Variants in GRID2 observed in about 807,000 individuals in gnomAD.
The protein encoded by GRID2 is glutamate receptor ionotropic, delta-2.
GRID2 carries 33 observed loss-of-function variants against 114.8 expected under a neutral mutation model. The ratio of observed to expected loss-of-function variants is 0.29; its 90% CI spans 0.22 to 0.38. The LOEUF is 0.38. GRID2 is among the 10% of genes least tolerant of loss of function. GRID2 has a pLI of 1.00. For missense variants in GRID2, 1,184 were observed against 1,257.7 expected, an observed-to-expected ratio of 0.94 and a Z score of 0.89; for synonymous variants, 505 against 449.9, an observed-to-expected ratio of 1.12 and a Z score of -1.55.
Position 92,511,220 on chromosome 4 carries a change from C to T in GRID2, c.89-78911C>T, listed in dbSNP as rs998115683. On this transcript the variant is annotated intron_variant, in intron 1 of 15. Coordinates refer to ENST00000282020, the MANE Select transcript of GRID2 (RefSeq NM_001510.4). ...GAAGGTGAAGAGGGAGCCAACACAT[C>T]ACATGGCAAGAGTGGGAGCAAGAGA... Among the ~76,000 whole-genome samples, 9 of 151,902 alleles carry T rather than the reference C, an allele frequency of 5.9e-5. No homozygotes were observed. The East Asian group carries it at 1.6e-3, about 26-fold the overall frequency.
At chr4:92,565,727 C>G (rs2070360712) in intron 1 of GRID2, among the ~76,000 whole-genome samples, 1 of 151,960 alleles carries the variant, frequency 6.6e-6, no homozygotes, top group Non-Finnish European at 1.5e-5. Flanking sequence ...AAGAAATTAA[C>G]AAGTCTTTTT....
intron 8 of GRID2, among the ~76,000 whole-genome samples, chr4:93,331,134 C>CCCA (rs1553911160): frequency 1.4e-5 from 2 of 147,038 alleles, no homozygotes; most frequent in Non-Finnish European, 3.0e-5. Context: ...TAACCCCCCC[C>CCCA]CCATTTCACT....
chr4:93,296,181 G>A (rs547216990), intron 8 of GRID2, among the ~76,000 whole-genome samples: 1 of 152,096 alleles, frequency 6.6e-6, no homozygotes, highest in Non-Finnish European at 1.5e-5. Flanking sequence ...GCATTTGTTG[G>A]TGGCCACTCA....
chr4:93,465,555 A>G (rs1206366848), intron 11 of GRID2, among the ~76,000 whole-genome samples: 4 of 152,176 alleles, frequency 2.6e-5, no homozygotes, highest in Non-Finnish European at 5.9e-5. Flanking sequence ...CAGGTGTTTG[A>G]GAAAATTAAA....
chr4:93,196,212 T>C (rs1274893214), intron 4 of GRID2, among the ~76,000 whole-genome samples: 1 of 152,102 alleles, frequency 6.6e-6, no homozygotes, highest in Non-Finnish European at 1.5e-5. Flanking sequence ...AAAGCTGCCT[T>C]TTTATGGAAG....
chr4:93,297,072 T>G (rs944999934), intron 8 of GRID2, among the ~76,000 whole-genome samples: 1 of 152,306 alleles, frequency 6.6e-6, no homozygotes, highest in South Asian at 2.1e-4. Context: ...GTCATATCTA[T>G]GGCATACATT....
intron 15 of GRID2, among the ~76,000 whole-genome samples, chr4:93,770,445 A>G (rs977966901): frequency 4.6e-5 from 7 of 152,242 alleles, no homozygotes; most frequent in Admixed American, 6.5e-5. Context: ...GTTGCACATT[A>G]ATGTGTTTTT....
At chr4:93,397,818 A>G (rs907473941) in intron 9 of GRID2, among the ~76,000 whole-genome samples, 1 of 151,958 alleles carries the variant, frequency 6.6e-6, no homozygotes, top group Non-Finnish European at 1.5e-5. Flanking sequence ...GATTACTCTT[A>G]ATACCTAATA....
intron 2 of GRID2, among the ~76,000 whole-genome samples, chr4:93,020,775 G>A (rs1723200894): frequency 1.3e-5 from 2 of 152,164 alleles, no homozygotes; most frequent in Non-Finnish European, 2.9e-5. Context: ...GCACATGCCT[G>A]TAATCCCAGC....
chr4:92,945,562 G>T (rs2149545523), intron 2 of GRID2, among the ~76,000 whole-genome samples: 1 of 152,268 alleles, frequency 6.6e-6, no homozygotes, highest in Admixed American at 6.5e-5. Context: ...TGTGATAATT[G>T]TTATCCTTCG....
intron 8 of GRID2, among the ~76,000 whole-genome samples, chr4:93,342,448 C>A (rs1047365479): frequency 6.6e-6 from 1 of 151,990 alleles, no homozygotes; most frequent in Non-Finnish European, 1.5e-5. Context: ...GAAAAAAAAA[C>A]TTATTATTAT....
At chr4:92,773,880 A>G (rs1738655083) in intron 2 of GRID2, among the ~76,000 whole-genome samples, 1 of 152,078 alleles carries the variant, frequency 6.6e-6, no homozygotes, top group Non-Finnish European at 1.5e-5. Flanking sequence ...ATATTTGCAC[A>G]TTTAGTTGTA....
At chr4:92,895,530 T>C (rs1747102045) in intron 2 of GRID2, among the ~76,000 whole-genome samples, 1 of 151,628 alleles carries the variant, frequency 6.6e-6, no homozygotes, top group Non-Finnish European at 1.5e-5. Flanking sequence ...AATTTTCAGG[T>C]AGACCGAATT....
intron 14 of GRID2, among the ~76,000 whole-genome samples, chr4:93,752,994 G>C (rs1435654239): frequency 6.6e-6 from 1 of 152,068 alleles, no homozygotes; most frequent in Non-Finnish European, 1.5e-5. Context: ...TGATAAGAAT[G>C]GCCTGGGGGT....
rs1750924361 is a variant in GRID2, at chr4:93,267,123, T to A, written c.1245+28633T>A. ...TGCTGCAACAATCATGATTTTATTC[T>A]TTTTATGGGTGGATAGTGTTCCATT... On this transcript the variant is annotated intron_variant, in intron 8 of 15. Coordinates refer to ENST00000282020, the MANE Select transcript of GRID2 (RefSeq NM_001510.4). 2.6e-5 allele frequency among the ~76,000 whole-genome samples: 4 copies of A among 152,142 alleles called. No homozygotes were observed. In the South Asian group the frequency reaches 6.2e-4, roughly 24 times the overall value.
At chr4:93,471,486 CAGAG>C (rs1335524011) in intron 11 of GRID2, among the ~76,000 whole-genome samples, 1 of 151,982 alleles carries the variant, frequency 6.6e-6, no homozygotes, top group Non-Finnish European at 1.5e-5. Flanking sequence ...ATGAAGCTTA[CAGAG>C]ATCCTAACCG....
chr4:92,708,470 A>C (rs1735058152), intron 2 of GRID2, among the ~76,000 whole-genome samples: 1 of 152,116 alleles, frequency 6.6e-6, no homozygotes. Flanking sequence ...ACCGCTCTGG[A>C]ATTGGGCAGC....
intron 2 of GRID2, among the ~76,000 whole-genome samples, chr4:92,643,589 T>C (rs12641482): frequency 0.4 from 60,934 of 151,460 alleles, 13,074 homozygotes; most frequent in African/African-American, 0.55. Context: ...TTACAATAGC[T>C]ACAAAAAAAT....
intron 8 of GRID2, among the ~76,000 whole-genome samples, chr4:93,364,651 A>T (rs1398866571): frequency 6.6e-6 from 1 of 151,822 alleles, no homozygotes; most frequent in African/African-American, 2.4e-5. Context: ...TAATTTTTAT[A>T]AATGTTTTGT....
Sources: gnomAD v4.1 joint callset for allele counts (sites outside exome capture counted in the v4.1 genomes callset) on GRCh38, gnomAD v4.1.1 for gene constraint, MANE v1.5 for transcripts, NCBI Gene and HGNC (gene_info 2026-07-23, HGNC 2026-07-21) for gene names.